FEZ1: variants seen among roughly 807,000 people sequenced by gnomAD.
The protein encoded by FEZ1 is fasciculation and elongation protein zeta 1, also known as fasciculation and elongation protein zeta-1.
FEZ1 carries 20 observed loss-of-function variants against 49.3 expected under a neutral mutation model. The observed-to-expected ratio is 0.41, with a 90% CI of 0.29 to 0.59. The LOEUF (loss-of-function observed/expected upper bound fraction) is 0.59, where lower values mean the gene tolerates loss of function less well. Ranked by LOEUF, FEZ1 falls within the 20% of genes least tolerant of loss-of-function variation. FEZ1 has a pLI of 0.36. For missense variants in FEZ1, 413 were observed against 476.0 expected, an observed-to-expected ratio of 0.87 and a Z score of 1.23; for synonymous variants, 170 against 180.9, an observed-to-expected ratio of 0.94 and a Z score of 0.48.
chr11:125,473,424 T>C (rs2135766467), intron 3 of FEZ1, among the ~76,000 whole-genome samples: 1 of 152,316 alleles, frequency 6.6e-6, no homozygotes, highest in African/African-American at 2.4e-5. Context: ...AGCAGGTGGA[T>C]GGCTTGAGCC....
At chr11:125,454,819 GC>G in intron 6 of FEZ1, among the ~76,000 whole-genome samples, 1 of 151,880 alleles carries the variant, frequency 6.6e-6, no homozygotes, top group Admixed American at 6.6e-5. Flanking sequence ...TTTGAGACCA[GC>G]CTGACCAACA....
At chr11:125,469,345 G>A (rs2135760380) in intron 3 of FEZ1, among the ~76,000 whole-genome samples, 1 of 152,268 alleles carries the variant, frequency 6.6e-6, no homozygotes, top group Middle Eastern at 3.4e-3. Flanking sequence ...TGCAACCTCT[G>A]CCTCCCCGGC....
intron 5 of FEZ1, 27 bp downstream of exon 5, chr11:125,460,471 G>A (rs376391892): frequency 1.8e-4 from 286 of 1,605,574 alleles, no homozygotes; most frequent in Non-Finnish European, 2.1e-4. Flanking sequence ...CTTCCTCCTC[G>A]GCCAGCCCAG....
chr11:125,495,732 T>C lies in FEZ1; in HGVS notation c.-46+389A>G. 2 of 301,648 alleles carry C rather than the reference T, an allele frequency of 6.6e-6. No homozygotes were observed. The highest frequency in any genetic ancestry group is 8.8e-5 in the East Asian group (1 of 11,390). The allele number at this position is 301,648 out of a possible 1,614,324, so 18.7% of individuals were successfully genotyped here. ...GCGCGATCGGGCGGCGTTCCCTTCT[T>C]CCCCCAGCCCCCATACCTCGCCGCC... is the stretch of plus-strand genomic sequence containing the variant. On this transcript the variant is annotated intron_variant, in intron 1 of 9. Coordinates refer to ENST00000278919, the MANE Select transcript of FEZ1 (RefSeq NM_005103.5). The surrounding 1 kb of genome is among the most constrained non-coding windows in gnomAD (Gnocchi z 4.2).
Position 125,452,400 on chromosome 11 carries a change from T to C in FEZ1, c.1030A>G (p.Thr344Ala). The part of the protein sequence containing the change: ...SSGTDKQYLN[T>A]VIPYEKKASP... ...GCTTTCTTCTCGTAAGGAATGACTG[T>C]GTTCAGATACTGCAAGACAAACAGC... is the stretch of plus-strand genomic sequence containing the variant. The change falls in exon 8 of 10, where the codon ACA becomes GCA. Residue 344 changes from threonine to alanine, a missense_variant. Coordinates refer to ENST00000278919, the MANE Select transcript of FEZ1 (RefSeq NM_005103.5). The C allele has an allele frequency of 6.2e-7, 1 of 1,611,774 alleles. No individual in the cohort carries two copies. The highest frequency in any genetic ancestry group is 8.5e-7 in the Non-Finnish European group (1 of 1,177,814).
At chr11:125,463,627 C>G in intron 3 of FEZ1, 57 bp from the exon 4 acceptor site, 1 of 1,042,768 alleles carries the variant, frequency 9.6e-7, no homozygotes, top group Non-Finnish European at 1.5e-6. Context: ...AGTGGGATTG[C>G]CTCTAGTCTC....
chr11:125,465,302 A>G (rs1957116864), intron 3 of FEZ1, among the ~76,000 whole-genome samples: 2 of 152,098 alleles, frequency 1.3e-5, no homozygotes, highest in Non-Finnish European at 2.9e-5. Context: ...TAACTCCCTG[A>G]CTGTTAATAT....
At position 125,445,710 on chromosome 11, in the gene FEZ1, A is replaced by AGAG. The variant is rs1328893453; in HGVS notation, c.*382_*384dup. 8.8e-6 allele frequency: 3 copies of AGAG among 341,258 alleles called. No homozygotes were observed. In the East Asian group the frequency reaches 2.3e-4, roughly 26 times the overall value. The allele number at this position is 341,258 out of a possible 1,614,324, so 21.1% of individuals were successfully genotyped here. A position where few individuals can be genotyped will look rare whatever the true frequency, so the allele number is the denominator to read the frequency against. ...ACAGCCCGTCTCTGGAGTCTGGAGC[A>AGAG]GAGGGCTAATGGACATCACACTCCA... On this transcript the variant is annotated 3_prime_UTR_variant, in exon 10 of 10. Coordinates refer to ENST00000278919, the MANE Select transcript of FEZ1 (RefSeq NM_005103.5). This position sits in a 1 kb window ranked among gnomAD's most constrained non-coding sequence, Gnocchi z 4.4.
chr11:125,493,502 GAAAGAGA>G (rs1957422044), intron 1 of FEZ1, among the ~76,000 whole-genome samples: 1 of 94,340 alleles, frequency 1.1e-5, no homozygotes, highest in Non-Finnish European at 2.2e-5. Flanking sequence ...AAGAAAGAAA[GAAAGAGA>G]GAAAGAAAGA....
At chr11:125,472,111 A>T (rs946218910) in intron 3 of FEZ1, among the ~76,000 whole-genome samples, 7 of 152,104 alleles carry the variant, frequency 4.6e-5, no homozygotes, top group African/African-American at 1.7e-4. Flanking sequence ...TTCAGCTAAA[A>T]CAGTGCTTAA....
intron 2 of FEZ1, among the ~76,000 whole-genome samples, chr11:125,488,369 TG>T (rs1253769272): frequency 6.6e-6 from 1 of 152,218 alleles, no homozygotes; most frequent in Non-Finnish European, 1.5e-5. Context: ...AGGCATTAAC[TG>T]GGGGTCTTAA....
chr11:125,495,961 C>G lies in FEZ1; in HGVS notation c.-46+160G>C, dbSNP rs1269703191. 1 of 234,034 alleles carries G rather than the reference C, an allele frequency of 4.3e-6. No individual in the cohort carries two copies. The highest frequency in any genetic ancestry group is 2.4e-5 in the African/African-American group (1 of 42,510). 14.5% of individuals were successfully genotyped at this position (234,034 alleles called of 1,614,324 possible). On this transcript the variant is annotated intron_variant, in intron 1 of 9. Transcript: ENST00000278919. The surrounding 1 kb of genome is among the most constrained non-coding windows in gnomAD (Gnocchi z 4.2). The stretch of plus-strand genomic sequence containing the variant: ...GCTGGGCAGGAAGGCGACGGCCTCC[C>G]GTTGTTCCTTTCTAATCCCAGAATG...
At position 125,442,924 on chromosome 11, in the gene FEZ1, G is replaced by C. The variant is rs1472334955; in HGVS notation, c.*3171C>G. On this transcript the variant is annotated 3_prime_UTR_variant, in exon 10 of 10. Transcript: ENST00000278919. ...CTAATTTTTGTATTTTCAGTAGAGA[G>C]GGGGTTTCACCATGTTGGCCAGGCT... Among the ~76,000 whole-genome samples the C allele has an allele frequency of 6.6e-6, 1 of 151,666 alleles. No individual in the cohort carries two copies. The highest frequency in any genetic ancestry group is 6.6e-5 in the Admixed American group (1 of 15,216).
intron 7 of FEZ1, 74 bp downstream of exon 7, chr11:125,454,056 T>C: frequency 3.3e-6 from 3 of 921,532 alleles, no homozygotes; most frequent in South Asian, 1.7e-5. Context: ...TGAGTCACTG[T>C]CCCCCTGCGT....
At chr11:125,464,293 C>G (rs1438936848) in intron 3 of FEZ1, among the ~76,000 whole-genome samples, 1 of 152,220 alleles carries the variant, frequency 6.6e-6, no homozygotes, top group Non-Finnish European at 1.5e-5. Context: ...ATCTAACAAG[C>G]TATTCAAAGC....
intron 3 of FEZ1, among the ~76,000 whole-genome samples, chr11:125,467,204 T>A (rs989954813): frequency 2.2e-4 from 34 of 152,064 alleles, no homozygotes; most frequent in Non-Finnish European, 2.6e-4. Context: ...TGACTAAGAT[T>A]TTTTTTGTTT....
In FEZ1 at chr11:125,469,354, G is replaced by T. The variant is rs531748047; in HGVS notation, c.412-5784C>A. ...GCTCACTGCAACCTCTGCCTCCCCG[G>T]CTCAAGCAATCCTCCCACCTCAGCC... is the stretch of plus-strand genomic sequence containing the variant. On this transcript the variant is annotated intron_variant, in intron 3 of 9. Transcript: ENST00000278919. Among the ~76,000 whole-genome samples the T allele has an allele frequency of 3.4e-4, 52 of 152,270 alleles. No individual in the cohort carries two copies. In the South Asian group the frequency reaches 0.01, roughly 30 times the overall value.
At chr11:125,468,877 C>T (rs569188944) in intron 3 of FEZ1, among the ~76,000 whole-genome samples, 4 of 152,256 alleles carry the variant, frequency 2.6e-5, no homozygotes, top group East Asian at 3.9e-4. Flanking sequence ...GTGTCTTCTT[C>T]CAACCCAGAT....
At chr11:125,473,932 C>A (rs1957205672) in intron 3 of FEZ1, among the ~76,000 whole-genome samples, 1 of 151,618 alleles carries the variant, frequency 6.6e-6, no homozygotes, top group African/African-American at 2.4e-5. Context: ...ATCTTAGTGA[C>A]CTTGGGTTTA....
Sources: allele counts gnomAD v4.1 joint callset (sites outside exome capture counted in the v4.1 genomes callset), GRCh38; gene constraint gnomAD v4.1.1; non-coding constraint Gnocchi (gnomAD v3.1); transcripts MANE v1.5; gene names NCBI Gene and HGNC (gene_info 2026-07-23, HGNC 2026-07-21).